PARVB: variants seen among roughly 807,000 people sequenced by gnomAD.
The protein encoded by PARVB is beta-parvin.
PARVB carries 46 observed loss-of-function variants against 47.0 expected under a neutral mutation model. The ratio of observed to expected loss-of-function variants is 0.98; its 90% CI spans 0.77 to 1.25. The LOEUF is 1.25. PARVB is among the 50% of genes most tolerant of loss of function. The probability of loss-of-function intolerance (pLI) is 0.00; values close to 1 mark genes in which losing one functional copy is unlikely to be tolerated. For synonymous variants in PARVB, 196 were observed against 196.3 expected (o/e 1.00, Z 0.01); for missense variants, 473 against 471.6 (o/e 1.00, Z -0.03).
At chr22:44,141,946 G>A (rs1210193759) in intron 8 of PARVB, 1 of 152,184 alleles carries the variant, frequency 6.6e-6, no homozygotes, top group Non-Finnish European at 1.5e-5. Flanking sequence ...CAGCTCATGG[G>A]ACCGGGGTGA....
intron 1 of PARVB, among the ~76,000 whole-genome samples, chr22:44,035,671 G>A (rs1180932661): frequency 1.3e-5 from 2 of 151,960 alleles, no homozygotes; most frequent in African/African-American, 4.8e-5. Flanking sequence ...GCGCCCGTCC[G>A]TCAAGGCTTC....
intron 1 of PARVB, among the ~76,000 whole-genome samples, chr22:44,052,533 A>G (rs2051228781): frequency 6.6e-6 from 1 of 152,222 alleles, no homozygotes; most frequent in Admixed American, 6.5e-5. Context: ...AGAATATTTC[A>G]GCCTCTGTGA....
At chr22:44,044,367 T>G (rs1158055839) in intron 1 of PARVB, among the ~76,000 whole-genome samples, 1 of 151,928 alleles carries the variant, frequency 6.6e-6, no homozygotes, top group Non-Finnish European at 1.5e-5. Flanking sequence ...ATTTTTTGTG[T>G]TTTTAGTAGA....
At chr22:43,999,244 C>G in exon 1 of PARVB, 1 of 982,568 alleles carries the variant, frequency 1.0e-6, no homozygotes, top group Non-Finnish European at 1.5e-6. Flanking sequence ...CTCCCCATCT[C>G]CGGCAGCTCC....
intron 2 of PARVB, chr22:44,010,486 G>A (rs2050511339): frequency 6.6e-6 from 1 of 152,166 alleles, no homozygotes; most frequent in African/African-American, 2.4e-5. Flanking sequence ...TTGTATAATT[G>A]TGCAGAAACT....
At chr22:44,013,058 G>A (rs2050539659) in intron 2 of PARVB, among the ~76,000 whole-genome samples, 1 of 151,898 alleles carries the variant, frequency 6.6e-6, no homozygotes, top group Non-Finnish European at 1.5e-5. Flanking sequence ...CACCACGCCC[G>A]GTTAATTTTT....
Position 44,136,374 on chromosome 22 carries a change from G to A in PARVB, c.634-86G>A, listed in dbSNP as rs145397343. On this transcript the variant is annotated intron_variant, in intron 6 of 12. Coordinates refer to ENST00000338758, the MANE Select transcript of PARVB (RefSeq NM_013327.5). Reference sequence around the variant, plus strand: ...GTTGCTCTTTTCTAAGATGATCTCCGGCCCCGCAGCTTCGTCTGCCCTGTC... The same window carrying A: ...GTTGCTCTTTTCTAAGATGATCTCCAGCCCCGCAGCTTCGTCTGCCCTGTC... The A allele has an allele frequency of 6.9e-4, 817 of 1,178,468 alleles. 6 individuals are homozygous for A. The African/African-American group carries it at 0.01, about 15-fold the overall frequency. The allele number at this position is 1,178,468 out of a possible 1,614,324, so 73.0% of individuals were successfully genotyped here. A position where few individuals can be genotyped will look rare whatever the true frequency, so the allele number is the denominator to read the frequency against.
intron 1 of PARVB, among the ~76,000 whole-genome samples, chr22:44,092,829 C>G (rs1246270251): frequency 6.6e-6 from 1 of 152,228 alleles, no homozygotes; most frequent in African/African-American, 2.4e-5. Flanking sequence ...CCTTGCTGTT[C>G]CATCATCTGC....
At position 44,018,820 on chromosome 22, in the gene PARVB, G is replaced by A. The variant is rs916020630; in HGVS notation, c.211+19147G>A. Among the ~76,000 whole-genome samples the A allele has an allele frequency of 1.3e-5, 2 of 152,204 alleles. 1 individual carries two copies. The highest frequency in any genetic ancestry group is 4.1e-4 in the South Asian group (2 of 4,826). ...ACCCAGATTCTCAGGCCACATGGGC[G>A]GGCTTGCCATGGTTATGGTTGACTC... On this transcript the variant is annotated intron_variant, in intron 2 of 13. Coordinates refer to the PARVB transcript ENST00000406477.
intron 4 of PARVB, among the ~76,000 whole-genome samples, chr22:44,121,672 G>A (rs1376009658): frequency 1.3e-5 from 2 of 152,084 alleles, no homozygotes; most frequent in Non-Finnish European, 2.9e-5. Context: ...ATGGGTGCTT[G>A]TGGCTCCTGG....
At chr22:44,082,243 G>T (rs1168552294) in intron 1 of PARVB, among the ~76,000 whole-genome samples, 1 of 152,266 alleles carries the variant, frequency 6.6e-6, no homozygotes, top group African/African-American at 2.4e-5. Flanking sequence ...AGTTGGCCAG[G>T]TGCGGTGGTT....
chr22:44,164,879 C>T (rs1018570003), intron 12 of PARVB, among the ~76,000 whole-genome samples: 5 of 152,224 alleles, frequency 3.3e-5, no homozygotes, highest in African/African-American at 9.6e-5. Flanking sequence ...CTGCAGCCAC[C>T]GCTTCCTGCC....
intron 9 of PARVB, chr22:44,151,224 ATGCGTGC>A (rs1293024125): frequency 2.5e-6 from 1 of 392,920 alleles, no homozygotes; most frequent in African/African-American, 2.0e-5. Context: ...TAAATATGTC[ATGCGTGC>A]ACGGATTGGC....
At chr22:44,164,011 C>T in intron 12 of PARVB, 81 bp downstream of exon 12, 2 of 1,104,588 alleles carry the variant, frequency 1.8e-6, no homozygotes, top group Non-Finnish European at 2.7e-6. Context: ...GGCTGGAAGG[C>T]TGGCATGTTG....
chr22:44,030,142 G>A (rs2050799512), intron 1 of PARVB, among the ~76,000 whole-genome samples: 1 of 152,242 alleles, frequency 6.6e-6, no homozygotes, highest in Non-Finnish European at 1.5e-5. Flanking sequence ...AGGGAGGGGA[G>A]CTGTGGCAGG....
intron 2 of PARVB, among the ~76,000 whole-genome samples, chr22:44,015,838 A>G (rs1603422919): frequency 6.6e-6 from 1 of 152,108 alleles, no homozygotes; most frequent in Non-Finnish European, 1.5e-5. Context: ...AAACAAACAA[A>G]AAAAGATTAG....
At chr22:44,159,375 G>T (rs75717690) in intron 11 of PARVB, among the ~76,000 whole-genome samples, 2,444 of 152,298 alleles carry the variant, frequency 0.016, 72 homozygotes, top group African/African-American at 0.057. Context: ...ATCATCTCCT[G>T]GGCCCTGGCC....
intron 2 of PARVB, among the ~76,000 whole-genome samples, chr22:44,006,617 A>C (rs150873847): frequency 1.6e-4 from 24 of 152,268 alleles, no homozygotes; most frequent in African/African-American, 5.8e-4. Flanking sequence ...GAGCGAGACT[A>C]CATCTCGGAA....
intron 2 of PARVB, among the ~76,000 whole-genome samples, chr22:44,012,726 C>T (rs2050535391): frequency 1.5e-5 from 2 of 137,234 alleles, no homozygotes; most frequent in South Asian, 4.9e-4. Context: ...AAATGAACAA[C>T]ACAAGAAGAC....
Sources: allele counts gnomAD v4.1 joint callset (sites outside exome capture counted in the v4.1 genomes callset), GRCh38; gene constraint gnomAD v4.1.1; transcripts MANE v1.5; gene names NCBI Gene and HGNC (gene_info 2026-07-23, HGNC 2026-07-21).